The following ETFDH variants were observed in gnomAD, a reference collection of about 807,000 sequenced individuals.
ETFDH encodes electron transfer flavoprotein-ubiquinone oxidoreductase, mitochondrial.
ETFDH carries 61 observed loss-of-function variants against 73.2 expected under a neutral mutation model. The observed-to-expected ratio is 0.83, with a 90% CI of 0.68 to 1.03. The LOEUF (loss-of-function observed/expected upper bound fraction) is 1.03, where lower values mean the gene tolerates loss of function less well. Among genes scored for constraint, ETFDH ranks in the 50% least tolerant of loss-of-function variants. The pLI is 0.00. For synonymous variants in ETFDH, 243 were observed against 253.3 expected, an observed-to-expected ratio of 0.96 and a Z score of 0.39; for missense variants, 685 against 745.0, an observed-to-expected ratio of 0.92 and a Z score of 0.94.
intron 5 of ETFDH, among the ~76,000 whole-genome samples, chr4:158,690,095 T>G (rs557039258): frequency 6.6e-6 from 1 of 152,144 alleles, no homozygotes; most frequent in Non-Finnish European, 1.5e-5. Flanking sequence ...ATCTCTCTAG[T>G]AGTCTCCCCC....
rs1189573253 is a variant in ETFDH at position 158,676,648 on chromosome 4, A to G, written c.35-3819A>G. ...GGACTACTTGGAGGTTAGAAGCAAG[A>G]TGGAGTCAGTTAGGTCAGATCTCTT... is the stretch of plus-strand genomic sequence containing the variant. On this transcript the variant is annotated intron_variant, in intron 1 of 12. Transcript: ENST00000511912. 5.3e-5 allele frequency among the ~76,000 whole-genome samples: 8 copies of G among 152,226 alleles called. No individual in the cohort carries two copies. In the East Asian group the frequency reaches 1.3e-3, roughly 26 times the overall value.
In ETFDH at chr4:158,709,383, T is replaced by G. The variant is rs17843963; in HGVS notation, c.*856T>G. 0.026 allele frequency: 4,435 copies of G among 169,042 alleles called. 62 individuals carry two copies. The highest frequency in any genetic ancestry group is 0.033 in the Admixed American group (531 of 16,134). 10.5% of individuals were successfully genotyped at this position (169,042 alleles called of 1,614,324 possible). On this transcript the variant is annotated 3_prime_UTR_variant, in exon 13 of 13. Transcript: ENST00000511912. Reference sequence around the variant, plus strand: ...CCCATCTCTACTAAAAATACAAAAATTAGCTGGGCGTGGTGGCACGTGCCT... The same window carrying G: ...CCCATCTCTACTAAAAATACAAAAAGTAGCTGGGCGTGGTGGCACGTGCCT...
At chr4:158,690,514 A>G (rs1013267051) in intron 6 of ETFDH, 89 bp downstream of exon 6, 14 of 864,804 alleles carry the variant, frequency 1.6e-5, no homozygotes, top group Non-Finnish European at 2.6e-5. Flanking sequence ...CATCTCTCCA[A>G]AAAAAGAAAA....
rs146210009 is a variant in ETFDH at position 158,691,613 on chromosome 4, G to A, written c.684+1188G>A. 1.9e-4 allele frequency among the ~76,000 whole-genome samples: 29 copies of A among 152,220 alleles called. No individual in the cohort carries two copies. The East Asian group carries it at 5.0e-3, about 26-fold the overall frequency. ...GCTGGGATTACAGGCGTGAGCCACC[G>A]TGCCTGGCCTTTATCACAGTATTCT... On this transcript the variant is annotated intron_variant, in intron 6 of 12. Transcript: ENST00000511912.
rs1580423061 is a variant in ETFDH, at chr4:158,706,435, A to G, written c.1468+64A>G. The G allele has an allele frequency of 4.5e-6, 6 of 1,323,542 alleles. No individual in the cohort carries two copies. In the East Asian group the frequency reaches 1.4e-4, roughly 31 times the overall value. The allele number at this position is 1,323,542 out of a possible 1,614,324, so 82.0% of individuals were successfully genotyped here. A position where few individuals can be genotyped will look rare whatever the true frequency, so the allele number is the denominator to read the frequency against. ...AATTCATGAATGGGATCTGTTAATT[A>G]GAGAAAGTGATTGTTTTAATGTTTT... On this transcript the variant is annotated intron_variant, in intron 11 of 12. Coordinates refer to ENST00000511912, the MANE Select transcript of ETFDH (RefSeq NM_004453.4).
At chr4:158,683,634 C>T (rs146760809) in intron 3 of ETFDH, among the ~76,000 whole-genome samples, 1,770 of 152,182 alleles carry the variant, frequency 0.012, 26 homozygotes, top group African/African-American at 0.038. Context: ...GGCTGGAGTA[C>T]AGTGGCACAA....
intron 9 of ETFDH, among the ~76,000 whole-genome samples, chr4:158,702,886 G>T (rs1310670668): frequency 6.6e-6 from 1 of 152,106 alleles, no homozygotes; most frequent in Admixed American, 6.6e-5. Context: ...CTTTTTTAAG[G>T]AACCTCTATA....
intron 2 of ETFDH, chr4:158,681,820 A>G (rs559869831): frequency 1.0e-4 from 32 of 317,508 alleles, no homozygotes; most frequent in South Asian, 2.0e-4. Flanking sequence ...AGGCTGTTCA[A>G]TTAGTTTGTG....
chr4:158,706,078 C>G, intron 10 of ETFDH, 111 bp from the exon 11 acceptor site: 1 of 779,534 alleles, frequency 1.3e-6, no homozygotes, highest in Non-Finnish European at 2.3e-6. Flanking sequence ...AAGACCTTGT[C>G]TCGAAAAAAG....
chr4:158,703,303 A>G, intron 9 of ETFDH, 120 bp from the exon 10 acceptor site: 1 of 742,056 alleles, frequency 1.3e-6, no homozygotes, highest in Non-Finnish European at 2.4e-6. Context: ...ATTCATTTTC[A>G]TGTATTTATT....
chr4:158,676,249 T>C (rs1365484934), intron 1 of ETFDH, among the ~76,000 whole-genome samples: 1 of 151,900 alleles, frequency 6.6e-6, no homozygotes, highest in Non-Finnish European at 1.5e-5. Context: ...GGGAGATGAG[T>C]TTGTCGTCTT....
At chr4:158,673,941 A>G (rs182838657) in intron 1 of ETFDH, among the ~76,000 whole-genome samples, 1,774 of 152,356 alleles carry the variant, frequency 0.012, 26 homozygotes, top group African/African-American at 0.038. Flanking sequence ...TGAATATTCC[A>G]ATCTCTAAAG....
chr4:158,691,701 T>C lies in ETFDH; in HGVS notation c.684+1276T>C, dbSNP rs535689512. Among the ~76,000 whole-genome samples the C allele has an allele frequency of 3.9e-5, 6 of 152,314 alleles. No individual in the cohort carries two copies. In the South Asian group the frequency reaches 1.0e-3, roughly 26 times the overall value. ...TATAAAACTGATTCTCCACCTCCCA[T>C]TCAAAATATAAACCTGGATAATTTT... is the stretch of plus-strand genomic sequence containing the variant. On this transcript the variant is annotated intron_variant, in intron 6 of 12. Transcript: ENST00000511912.
At chr4:158,672,859 A>T (rs1225343917) in intron 1 of ETFDH, among the ~76,000 whole-genome samples, 1 of 152,160 alleles carries the variant, frequency 6.6e-6, no homozygotes, top group Non-Finnish European at 1.5e-5. Context: ...GTATTTGCCC[A>T]GTTTTTCTCC....
At chr4:158,678,017 T>G (rs772329966) in intron 1 of ETFDH, among the ~76,000 whole-genome samples, 1 of 152,248 alleles carries the variant, frequency 6.6e-6, no homozygotes, top group Non-Finnish European at 1.5e-5. Flanking sequence ...CTTTTTAACT[T>G]TTTATCTTGA....
intron 4 of ETFDH, 51 bp from the exon 5 acceptor site, chr4:158,685,050 A>G: frequency 9.6e-7 from 1 of 1,039,338 alleles, no homozygotes; most frequent in South Asian, 1.3e-5. Context: ...ATGTTTTTGT[A>G]ATGTCTTATC....
At position 158,672,490 on chromosome 4, in the gene ETFDH, G is replaced by C. The variant is rs1172887273; in HGVS notation, c.34G>C (p.Ala12Pro). 6.2e-6 allele frequency: 10 copies of C among 1,614,002 alleles called. No homozygotes were observed. Among genetic ancestry groups the C allele is most frequent in the Non-Finnish European group, 8.5e-6 (10 of 1,179,990 alleles). The change falls in exon 1 of 13, where the codon GCA (alanine) becomes CCA (proline). Residue 12 changes from alanine (A) to proline (P), a missense_variant and splice_region_variant. Physicochemically the swap from Ala to Pro is conservative, Grantham distance 27 (BLOSUM62 -1). This residue lies in a region of ETFDH where 405 missense variants were observed against 399.3 expected (regional missense o/e 1.01). Transcript: ENST00000511912. ...LVPLAKLSCL[A>P]YQCFHALKIK... ...GCCGCTAGCCAAGCTGTCCTGCCTGGGTGAGAGGAAACGGGCGGTGGGGAT... is the reference window on the plus strand; with the variant it reads ...GCCGCTAGCCAAGCTGTCCTGCCTGCGTGAGAGGAAACGGGCGGTGGGGAT...
Position 158,684,638 on chromosome 4 carries a change from C to G in ETFDH, c.452C>G (p.Thr151Arg). 1.3e-6 allele frequency: 2 copies of G among 1,578,504 alleles called. No homozygotes were observed. Among genetic ancestry groups the G allele is most frequent in the African/African-American group, 1.3e-5 (1 of 74,292 alleles). ...PVTEDRFGIL[T>R]EKYRIPVPIL... ...ACAGAAGACAGATTTGGAATTTTAA[C>G]AGAGAAATACAGAATTCCTGTGCCA... is the stretch of plus-strand genomic sequence containing the variant. The change falls in exon 4 of 13, where the codon ACA becomes AGA. Residue 151 changes from threonine (T) to arginine (R), a missense_variant. By Grantham distance (71) the Thr-to-Arg change is moderately conservative. Around this residue, in one of 3 missense-constraint regions of ETFDH, gnomAD observed 405 missense variants for 399.3 expected, o/e 1.01. Transcript: ENST00000511912.
At chr4:158,688,537 G>C (rs1446831694) in intron 5 of ETFDH, among the ~76,000 whole-genome samples, 1 of 151,780 alleles carries the variant, frequency 6.6e-6, no homozygotes, top group African/African-American at 2.4e-5. Flanking sequence ...GCTGGGCGTG[G>C]TGGTGGGCAC....
Sources: gnomAD v4.1 joint callset for allele counts (sites outside exome capture counted in the v4.1 genomes callset) on GRCh38, gnomAD v4.1.1 for gene constraint, gnomAD v4.1.1 regional missense constraint, MANE v1.5 for transcripts, NCBI Gene and HGNC (gene_info 2026-07-23, HGNC 2026-07-21) for gene names.